Variants in NIPA1 observed in about 807,000 individuals in gnomAD.
The protein encoded by NIPA1 is NIPA magnesium transporter 1, also known as magnesium transporter NIPA1.
NIPA1 carries 13 observed loss-of-function variants against 23.9 expected under a neutral mutation model. That is an observed-to-expected ratio of 0.54 (90% CI 0.35 to 0.87). The LOEUF is 0.87. NIPA1 is among the 40% of genes least tolerant of loss of function. The pLI is 0.01. For missense variants in NIPA1, 362 were observed against 429.7 expected, an observed-to-expected ratio of 0.84 and a Z score of 1.39; for synonymous variants, 234 against 202.9, an observed-to-expected ratio of 1.15 and a Z score of -1.30.
chr15:22,803,115 C>T (rs1895121142), intron 1 of NIPA1, among the ~76,000 whole-genome samples: 1 of 151,952 alleles, frequency 6.6e-6, no homozygotes, highest in South Asian at 2.1e-4. Flanking sequence ...TGTCACCATG[C>T]CTGGCTAAGT....
rs938668334 is a variant in NIPA1 at position 22,807,389 on chromosome 15, G to A, written c.179-3360G>A. ...CCAGCTGCTGTAGCAGGAATCCCATGACTTCACAAAACGTCCTGACCAAAC... is the reference window on the plus strand; with the variant it reads ...CCAGCTGCTGTAGCAGGAATCCCATAACTTCACAAAACGTCCTGACCAAAC... On this transcript the variant is annotated intron_variant, in intron 1 of 4. Coordinates refer to ENST00000337435, the MANE Select transcript of NIPA1 (RefSeq NM_144599.5). Among the ~76,000 whole-genome samples, 10 of 152,222 alleles carry A rather than the reference G, an allele frequency of 6.6e-5. No individual in the cohort carries two copies. In the East Asian group the frequency reaches 1.9e-3, roughly 29 times the overall value.
chr15:22,796,184 A>C, intron 1 of NIPA1, among the ~76,000 whole-genome samples: 1 of 152,158 alleles, frequency 6.6e-6, no homozygotes, highest in South Asian at 2.1e-4. Flanking sequence ...AGCCTCCCAA[A>C]GTGCTGGGAT....
intron 1 of NIPA1, among the ~76,000 whole-genome samples, chr15:22,807,147 A>G (rs4778566): frequency 0.29 from 44,141 of 152,098 alleles, 7,616 homozygotes; most frequent in Admixed American, 0.42. Context: ...GGAAAAGAAC[A>G]AAAACCATTT....
At chr15:22,822,580 A>T (rs951817404) in intron 4 of NIPA1, among the ~76,000 whole-genome samples, 4 of 152,246 alleles carry the variant, frequency 2.6e-5, no homozygotes, top group Non-Finnish European at 4.4e-5. Context: ...TGTAATCCCA[A>T]CACTTTGGGA....
chr15:22,816,997 A>G (rs1895431762), intron 3 of NIPA1, among the ~76,000 whole-genome samples: 2 of 151,068 alleles, frequency 1.3e-5, no homozygotes, highest in South Asian at 2.1e-4. Flanking sequence ...CAGCCTGGCC[A>G]ACATGGTGAA....
chr15:22,813,425 A>C (rs891346148), intron 3 of NIPA1, among the ~76,000 whole-genome samples: 1 of 152,224 alleles, frequency 6.6e-6, no homozygotes, highest in African/African-American at 2.4e-5. Context: ...GGAGGGCTGC[A>C]AGCCATCAAA....
At chr15:22,799,139 G>C (rs1176997823) in intron 1 of NIPA1, among the ~76,000 whole-genome samples, 2 of 152,266 alleles carry the variant, frequency 1.3e-5, no homozygotes, top group African/African-American at 4.8e-5. Context: ...TATGTTTACT[G>C]TGGCACTACT....
At position 22,827,676 on chromosome 15, in the gene NIPA1, C is replaced by T. The variant is rs751582394; in HGVS notation, c.*3437C>T. 3.9e-5 allele frequency: 6 copies of T among 152,174 alleles called. No individual in the cohort carries two copies. Among genetic ancestry groups the T allele is most frequent in the Non-Finnish European group, 7.3e-5 (5 of 68,042 alleles). 9.4% of individuals were successfully genotyped at this position (152,174 alleles called of 1,614,324 possible). ...GGTGTTTGTTCTTCTTTGGATTTCA[C>T]ATCTGTTTTCTGGTAGAAGTGAGCA... On this transcript the variant is annotated 3_prime_UTR_variant, in exon 5 of 5. Transcript: ENST00000337435.
chr15:22,819,969 G>A (rs530538239), intron 3 of NIPA1, among the ~76,000 whole-genome samples: 1 of 152,184 alleles, frequency 6.6e-6, no homozygotes, highest in Non-Finnish European at 1.5e-5. Context: ...CAAGGCAAGA[G>A]GATCGTTTGA....
At chr15:22,815,904 C>T (rs182400000) in intron 3 of NIPA1, among the ~76,000 whole-genome samples, 7 of 152,206 alleles carry the variant, frequency 4.6e-5, no homozygotes, top group Admixed American at 1.3e-4. Context: ...TCTTTCATGA[C>T]GAAAACTCTC....
intron 1 of NIPA1, among the ~76,000 whole-genome samples, chr15:22,787,876 C>T (rs1894743384): frequency 6.6e-6 from 1 of 152,158 alleles, no homozygotes; most frequent in Non-Finnish European, 1.5e-5. Flanking sequence ...AAGGGCCCGA[C>T]AGTCTCGAAT....
At chr15:22,789,152 G>A (rs1260081113) in intron 1 of NIPA1, among the ~76,000 whole-genome samples, 1 of 151,714 alleles carries the variant, frequency 6.6e-6, no homozygotes, top group Admixed American at 6.6e-5. Flanking sequence ...ACCATATCTG[G>A]CTAATTTTGT....
rs1479716438 is a variant in NIPA1 at position 22,826,253 on chromosome 15, TGA to T, written c.*2018_*2019del. On this transcript the variant is annotated 3_prime_UTR_variant, in exon 5 of 5. Coordinates refer to ENST00000337435, the MANE Select transcript of NIPA1 (RefSeq NM_144599.5). The stretch of plus-strand genomic sequence containing the variant: ...CATGGGTTGTCAGTGATTTGTGAAC[TGA>T]GAGCAGCAACAACATTATTTTTTAA... The T allele has an allele frequency of 6.6e-6, 1 of 150,622 alleles. No homozygotes were observed. The highest frequency in any genetic ancestry group is 1.5e-5 in the Non-Finnish European group (1 of 67,742). The allele number at this position is 150,622 out of a possible 1,614,324, so 9.3% of individuals were successfully genotyped here. A position where few individuals can be genotyped will look rare whatever the true frequency, so the allele number is the denominator to read the frequency against.
At chr15:22,788,597 G>A (rs1894762248) in intron 1 of NIPA1, among the ~76,000 whole-genome samples, 1 of 151,860 alleles carries the variant, frequency 6.6e-6, no homozygotes, top group African/African-American at 2.4e-5. Flanking sequence ...CTAAGAACAC[G>A]TGAACACCAG....
At chr15:22,790,483 G>A (rs1363690391) in intron 1 of NIPA1, among the ~76,000 whole-genome samples, 2 of 148,998 alleles carry the variant, frequency 1.3e-5, no homozygotes, top group Non-Finnish European at 3.0e-5. Context: ...GTGCAATGGT[G>A]CAATCTCACT....
intron 1 of NIPA1, among the ~76,000 whole-genome samples, chr15:22,805,426 C>T (rs1311954099): frequency 1.3e-5 from 2 of 152,124 alleles, no homozygotes; most frequent in Non-Finnish European, 2.9e-5. Context: ...GTGGCTCACG[C>T]CTGTAATCCC....
chr15:22,807,508 CT>C (rs1298233519), intron 1 of NIPA1, among the ~76,000 whole-genome samples: 2 of 152,046 alleles, frequency 1.3e-5, no homozygotes, highest in African/African-American at 4.8e-5. Flanking sequence ...TCACTTGAAC[CT>C]GGGAGATGGA....
intron 1 of NIPA1, among the ~76,000 whole-genome samples, chr15:22,802,028 CTT>C (rs149230813): frequency 1.3e-5 from 2 of 152,224 alleles, no homozygotes; most frequent in Non-Finnish European, 2.9e-5. Flanking sequence ...CTGCAAGAAA[CTT>C]TATTACAGTG....
intron 2 of NIPA1, among the ~76,000 whole-genome samples, chr15:22,811,891 T>G (rs368668019): frequency 6.6e-6 from 1 of 152,216 alleles, no homozygotes; most frequent in African/African-American, 2.4e-5. Flanking sequence ...AGCGGAGATA[T>G]GCCCAGTGCT....
Sources: allele counts gnomAD v4.1 joint callset (sites outside exome capture counted in the v4.1 genomes callset), GRCh38; gene constraint gnomAD v4.1.1; transcripts MANE v1.5; gene names NCBI Gene and HGNC (gene_info 2026-07-23, HGNC 2026-07-21).